The following LNPK variants were observed in gnomAD, a reference collection of about 807,000 sequenced individuals.
The protein encoded by LNPK is lunapark, ER junction formation factor.
LNPK carries 29 observed loss-of-function variants against 55.2 expected under a neutral mutation model. The ratio of observed to expected loss-of-function variants is 0.53; its 90% CI spans 0.39 to 0.72. The LOEUF (loss-of-function observed/expected upper bound fraction) is 0.72, where lower values mean the gene tolerates loss of function less well. LNPK is among the 30% of genes least tolerant of loss of function. The probability of loss-of-function intolerance (pLI) is 0.00; values close to 1 mark genes in which losing one functional copy is unlikely to be tolerated. For missense variants in LNPK, 467 were observed against 494.8 expected, an observed-to-expected ratio of 0.94 and a Z score of 0.53; for synonymous variants, 162 against 168.2, an observed-to-expected ratio of 0.96 and a Z score of 0.29.
chr2:175,988,213 A>G (rs1263357528), intron 4 of LNPK, among the ~76,000 whole-genome samples: 1 of 152,180 alleles, frequency 6.6e-6, no homozygotes, highest in Non-Finnish European at 1.5e-5. Flanking sequence ...ATATAAATCT[A>G]ACGATGAGCT....
chr2:175,985,392 A>G (rs1370633240), intron 4 of LNPK, among the ~76,000 whole-genome samples: 1 of 152,230 alleles, frequency 6.6e-6, no homozygotes, highest in South Asian at 2.1e-4. Flanking sequence ...GGATTGAAGC[A>G]ATGTCAATTT....
At chr2:175,955,842 T>A (rs1331108920) in intron 8 of LNPK, among the ~76,000 whole-genome samples, 1 of 152,196 alleles carries the variant, frequency 6.6e-6, no homozygotes, top group Non-Finnish European at 1.5e-5. Flanking sequence ...TCTGCAAAAA[T>A]AACTGATTTT....
rs375451322 is a variant in LNPK at position 175,962,382 on chromosome 2, G to C, written c.493+1990C>G. 3.8e-4 allele frequency among the ~76,000 whole-genome samples: 58 copies of C among 152,080 alleles called. 1 individual carries two copies. In the East Asian group the frequency reaches 4.4e-3, roughly 12 times the overall value. ...TATAGACCAATGGAACAGAACAGAG[G>C]CCTCAGAAATAACACCACACATCTA... On this transcript the variant is annotated intron_variant, in intron 8 of 12. Coordinates refer to ENST00000272748, the MANE Select transcript of LNPK (RefSeq NM_030650.3).
intron 9 of LNPK, among the ~76,000 whole-genome samples, chr2:175,941,342 GAAGA>G (rs1160566693): frequency 6.7e-6 from 1 of 148,782 alleles, no homozygotes. Flanking sequence ...GGAGAAAAAT[GAAGA>G]AAAAGACAAA....
intron 9 of LNPK, among the ~76,000 whole-genome samples, chr2:175,942,770 A>G (rs1208233798): frequency 6.6e-6 from 1 of 151,672 alleles, no homozygotes; most frequent in Non-Finnish European, 1.5e-5. Flanking sequence ...TTAAGAAACT[A>G]AAAAAGAAGA....
chr2:175,958,569 C>T (rs1384609355), intron 8 of LNPK, among the ~76,000 whole-genome samples: 1 of 152,186 alleles, frequency 6.6e-6, no homozygotes, highest in African/African-American at 2.4e-5. Context: ...CTATAGGTCA[C>T]CATCATCAAA....
At chr2:175,951,786 T>C (rs1482056132) in intron 8 of LNPK, among the ~76,000 whole-genome samples, 4 of 151,864 alleles carry the variant, frequency 2.6e-5, no homozygotes, top group Non-Finnish European at 4.4e-5. Context: ...GTAGTTCTAC[T>C]TTTATTTTTT....
intron 1 of LNPK, 73 bp from the exon 2 acceptor site, chr2:175,995,719 C>A: frequency 2.0e-6 from 1 of 504,828 alleles, no homozygotes; most frequent in South Asian, 2.7e-5. Context: ...TGCAATACTG[C>A]CTAAAAAATG....
At chr2:175,964,943 T>C (rs1240472805) in intron 6 of LNPK, among the ~76,000 whole-genome samples, 1 of 152,198 alleles carries the variant, frequency 6.6e-6, no homozygotes, top group Admixed American at 6.6e-5. Flanking sequence ...CTCAGATTTA[T>C]TTCCTCATAG....
intron 4 of LNPK, among the ~76,000 whole-genome samples, chr2:175,986,348 TAAGAC>T (rs1202505924): frequency 6.6e-6 from 1 of 151,988 alleles, no homozygotes; most frequent in Admixed American, 6.6e-5. Context: ...AAATTTTAAC[TAAGAC>T]AATAAATAAA....
intron 12 of LNPK, among the ~76,000 whole-genome samples, chr2:175,936,868 C>A (rs1559026652): frequency 1.3e-5 from 2 of 151,992 alleles, no homozygotes; most frequent in Non-Finnish European, 1.5e-5. Flanking sequence ...ATACAGTAAT[C>A]CAAAAAAATG....
At position 175,985,145 on chromosome 2, in the gene LNPK, C is replaced by A. The variant is rs372397856; in HGVS notation, c.258-5277G>T. Among the ~76,000 whole-genome samples, 19 of 152,194 alleles carry A rather than the reference C, an allele frequency of 1.2e-4. No homozygotes were observed. In the East Asian group the frequency reaches 3.1e-3, roughly 25 times the overall value. The stretch of plus-strand genomic sequence containing the variant: ...CCATCTTATAACATTCTTGAAATAA[C>A]AAATTTGTGGAGACAGAAAACAGAT... On this transcript the variant is annotated intron_variant, in intron 4 of 12. Transcript: ENST00000272748.
At position 175,968,123 on chromosome 2, in the gene LNPK, G is replaced by A. The variant is rs550877529; in HGVS notation, c.357+2641C>T. Among the ~76,000 whole-genome samples the A allele has an allele frequency of 3.5e-4, 54 of 152,236 alleles. No homozygotes were observed. The South Asian group carries it at 0.011, about 30-fold the overall frequency. On this transcript the variant is annotated intron_variant, in intron 6 of 12. Coordinates refer to ENST00000272748, the MANE Select transcript of LNPK (RefSeq NM_030650.3). ...GATTGTACCACTTCTCTATGATTCT[G>A]TACTGTTCCCAGAAACGTCAACATT...
chr2:175,993,437 C>G (rs1000993474), intron 2 of LNPK, among the ~76,000 whole-genome samples: 1 of 152,162 alleles, frequency 6.6e-6, no homozygotes, highest in African/African-American at 2.4e-5. Context: ...CCCTACTTAA[C>G]TGTTTTAATC....
intron 1 of LNPK, among the ~76,000 whole-genome samples, chr2:175,997,627 T>C (rs945625980): frequency 2.0e-5 from 3 of 152,068 alleles, no homozygotes; most frequent in African/African-American, 7.2e-5. Context: ...ATTTTTAATA[T>C]TTGAAATTAA....
chr2:175,962,996 C>T (rs546985898), intron 8 of LNPK, among the ~76,000 whole-genome samples: 24 of 148,452 alleles, frequency 1.6e-4, no homozygotes, highest in Non-Finnish European at 3.0e-4. Flanking sequence ...AAATCAAAAC[C>T]ACAATGAGAT....
intron 4 of LNPK, among the ~76,000 whole-genome samples, chr2:175,985,092 A>G (rs771340219): frequency 1.3e-5 from 2 of 152,234 alleles, no homozygotes; most frequent in Non-Finnish European, 1.5e-5. Flanking sequence ...AAAAACGCCA[A>G]TTTCAAAATG....
At position 175,929,871 on chromosome 2, in the gene LNPK, C is replaced by T; in HGVS notation, c.*96G>A. 1 of 1,547,904 alleles carries T rather than the reference C, an allele frequency of 6.5e-7. No individual in the cohort carries two copies. Among genetic ancestry groups the T allele is most frequent in the Non-Finnish European group, 8.7e-7 (1 of 1,146,926 alleles). On this transcript the variant is annotated 3_prime_UTR_variant, in exon 13 of 13. Coordinates refer to ENST00000272748, the MANE Select transcript of LNPK (RefSeq NM_030650.3). ...GAATTCAAATGATACACAAGCATACCCTTAGAGGGGCAAAAAAAGTAAGTG... is the reference window on the plus strand; with the variant it reads ...GAATTCAAATGATACACAAGCATACTCTTAGAGGGGCAAAAAAAGTAAGTG...
intron 8 of LNPK, among the ~76,000 whole-genome samples, chr2:175,953,670 C>G (rs1685534437): frequency 6.6e-6 from 1 of 151,082 alleles, no homozygotes; most frequent in Admixed American, 6.6e-5. Flanking sequence ...GTAACCTTAT[C>G]TAGTACAGGC....
Sources: gnomAD v4.1 joint callset for allele counts (sites outside exome capture counted in the v4.1 genomes callset) on GRCh38, gnomAD v4.1.1 for gene constraint, MANE v1.5 for transcripts, NCBI Gene and HGNC (gene_info 2026-07-23, HGNC 2026-07-21) for gene names.